SOS1: variants seen among roughly 807,000 people sequenced by gnomAD.
The protein encoded by SOS1 is SOS Ras/Rac guanine nucleotide exchange factor 1, also known as son of sevenless homolog 1.
A neutral mutation model predicts 157.6 loss-of-function variants in SOS1; 25 were observed. The ratio of observed to expected loss-of-function variants is 0.16; its 90% CI spans 0.12 to 0.22. SOS1 has a LOEUF of 0.22. SOS1 is among the 10% of genes least tolerant of loss of function. The pLI is 1.00. For synonymous variants in SOS1, 528 were observed against 534.0 expected, an observed-to-expected ratio of 0.99 and a Z score of 0.16; for missense variants, 1,237 against 1,599.1, an observed-to-expected ratio of 0.77 and a Z score of 3.86.
intron 1 of SOS1, among the ~76,000 whole-genome samples, chr2:39,117,940 T>C (rs1043983060): frequency 5.3e-5 from 8 of 152,208 alleles, no homozygotes; most frequent in African/African-American, 1.9e-4. Context: ...AGAGAAGTGA[T>C]AGTTTTAGTT....
Position 38,995,150 on chromosome 2 carries a change from A to T in SOS1, c.3319T>A (p.Ser1107Thr). 6.2e-7 allele frequency: 1 copy of T among 1,614,052 alleles called. No homozygotes were observed. The highest frequency in any genetic ancestry group is 8.5e-7 in the Non-Finnish European group (1 of 1,179,938). Residue 1107 changes from serine (S) to threonine (T), a missense_variant, in exon 20 of 23, where the codon TCC becomes ACC. Around this residue, in one of 15 missense-constraint regions of SOS1, gnomAD observed 306 missense variants for 322.6 expected, o/e 0.95. Transcript: ENST00000402219. ...STTDVCSVFD[S>T]DHSSPFHSSN... is the part of the protein sequence containing the mutation. ...GAGTGAAAAGGGCTCGAATGATCGG[A>T]ATCAAATACACTGCAAACATCTGTG...
rs558667535 is a variant in SOS1 at position 38,995,244 on chromosome 2, A to G, written c.3225T>C (p.Ser1075=). The change falls in exon 20 of 23, where the codon AGT becomes AGC. Residue 1075 remains serine (S), a synonymous_variant. Transcript: ENST00000402219. ...YSRIPESETE[S]TASAPNSPRT... is the part of the protein sequence containing the mutation. ...TTGGAGAATTTGGTGCAGATGCTGT[A>G]CTTTCTGTTTCACTTTCAGGGATCC... 8 of 1,614,060 alleles carry G rather than the reference A, an allele frequency of 5.0e-6. No homozygotes were observed. The South Asian group carries it at 7.7e-5, about 16-fold the overall frequency.
intron 1 of SOS1, among the ~76,000 whole-genome samples, chr2:39,116,002 G>A (rs1386398300): frequency 6.6e-6 from 1 of 151,782 alleles, no homozygotes; most frequent in African/African-American, 2.4e-5. Flanking sequence ...TCATTCACCT[G>A]CTGACGAACA....
At chr2:39,058,178 C>A (rs1263669173) in intron 3 of SOS1, among the ~76,000 whole-genome samples, 1 of 151,934 alleles carries the variant, frequency 6.6e-6, no homozygotes, top group Non-Finnish European at 1.5e-5. Context: ...GGCAGTTATT[C>A]TATTAGTTCT....
chr2:39,106,535 G>A (rs1258612356), intron 1 of SOS1, among the ~76,000 whole-genome samples: 1 of 145,128 alleles, frequency 6.9e-6, no homozygotes, highest in Non-Finnish European at 1.5e-5. Flanking sequence ...AGCTTGCAGT[G>A]AGCCGAGATC....
At chr2:39,030,029 A>C (rs1330645548) in intron 8 of SOS1, among the ~76,000 whole-genome samples, 1 of 151,776 alleles carries the variant, frequency 6.6e-6, no homozygotes, top group East Asian at 1.9e-4. Context: ...AAAATTAGCC[A>C]GGCGTGGTGG....
intron 2 of SOS1, among the ~76,000 whole-genome samples, chr2:39,064,742 ATTTTTTTT>A (rs4015841): frequency 1.7e-3 from 125 of 74,836 alleles, no homozygotes; most frequent in African/African-American, 5.5e-3. Context: ...TTTAAAATAC[ATTTTTTTT>A]TTTTTTTTTT....
chr2:39,075,318 A>G (rs924266882), intron 1 of SOS1, among the ~76,000 whole-genome samples: 8 of 152,180 alleles, frequency 5.3e-5, no homozygotes, highest in Non-Finnish European at 1.2e-4. Flanking sequence ...GACAGGAAAT[A>G]CTAGAAGACA....
chr2:39,005,167 G>C (rs1669245230), intron 17 of SOS1, among the ~76,000 whole-genome samples: 1 of 152,082 alleles, frequency 6.6e-6, no homozygotes. Flanking sequence ...GGCACAGTAA[G>C]ATTAAAAATA....
intron 4 of SOS1, among the ~76,000 whole-genome samples, chr2:39,055,416 T>C (rs1255876895): frequency 6.6e-6 from 1 of 152,158 alleles, no homozygotes; most frequent in Non-Finnish European, 1.5e-5. Context: ...CTTCATCAAC[T>C]CTGGAGCCTT....
intron 6 of SOS1, among the ~76,000 whole-genome samples, chr2:39,043,783 C>G (rs781514289): frequency 3.3e-5 from 5 of 152,120 alleles, no homozygotes; most frequent in Non-Finnish European, 5.9e-5. Flanking sequence ...CCCCACCCCA[C>G]CCTGATGACC....
chr2:39,018,194 C>T (rs1434385113), intron 10 of SOS1, among the ~76,000 whole-genome samples: 1 of 151,730 alleles, frequency 6.6e-6, no homozygotes, highest in East Asian at 1.9e-4. Context: ...TAAAAATAGC[C>T]CATTTTTATA....
intron 2 of SOS1, among the ~76,000 whole-genome samples, chr2:39,066,603 C>A (rs1473665063): frequency 1.3e-5 from 2 of 152,118 alleles, no homozygotes; most frequent in East Asian, 1.9e-4. Context: ...CCCATATACT[C>A]TTTACTCATA....
At chr2:39,062,805 G>GA (rs1358802536) in intron 2 of SOS1, among the ~76,000 whole-genome samples, 1 of 151,664 alleles carries the variant, frequency 6.6e-6, no homozygotes, top group Non-Finnish European at 1.5e-5. Context: ...TCAAACACAG[G>GA]AAAAAAATAT....
rs3796038 is a variant in SOS1, at chr2:39,012,431, G to C, written c.2168-83C>G. On this transcript the variant is annotated intron_variant, in intron 13 of 22. Coordinates refer to ENST00000402219, the MANE Select transcript of SOS1 (RefSeq NM_005633.4). ...TTTAAAAATGGTTTAAAGTCACACG[G>C]ATGACACCTGAATGTATCTTTGCTA... 0.86 allele frequency: 470,663 copies of C among 544,396 alleles called. 207,976 individuals carry two copies. Among genetic ancestry groups the C allele is most frequent in the Non-Finnish European group, 0.92 (326,129 of 353,794 alleles). 33.7% of individuals were successfully genotyped at this position (544,396 alleles called of 1,614,324 possible). A position where few individuals can be genotyped will look rare whatever the true frequency, so the allele number is the denominator to read the frequency against.
At chr2:39,075,729 GAA>G (rs1359580721) in intron 1 of SOS1, among the ~76,000 whole-genome samples, 1 of 150,938 alleles carries the variant, frequency 6.6e-6, no homozygotes, top group African/African-American at 2.4e-5. Context: ...AAAAGATCAA[GAA>G]AAAAGAGAAG....
chr2:39,084,402 T>A (rs1405223315), intron 1 of SOS1, among the ~76,000 whole-genome samples: 2 of 152,224 alleles, frequency 1.3e-5, no homozygotes, highest in African/African-American at 4.8e-5. Flanking sequence ...AAATTAAGTA[T>A]ATATTTATAC....
chr2:39,053,677 AT>A (rs1329271751), intron 5 of SOS1, among the ~76,000 whole-genome samples: 4 of 152,068 alleles, frequency 2.6e-5, no homozygotes, highest in Admixed American at 2.6e-4. Flanking sequence ...AGTTCCAGGA[AT>A]TACCAGTGTG....
chr2:39,034,654 C>G (rs1294616352), intron 8 of SOS1, among the ~76,000 whole-genome samples: 1 of 152,106 alleles, frequency 6.6e-6, no homozygotes, highest in Admixed American at 6.6e-5. Flanking sequence ...GTATTTTGAA[C>G]TGTGATCAAA....
Sources: allele counts gnomAD v4.1 joint callset (sites outside exome capture counted in the v4.1 genomes callset), GRCh38; gene constraint gnomAD v4.1.1; regional missense constraint gnomAD v4.1.1; transcripts MANE v1.5; gene names NCBI Gene and HGNC (gene_info 2026-07-23, HGNC 2026-07-21).